Variants in FAT3 observed in about 807,000 individuals in gnomAD.
The protein encoded by FAT3 is protocadherin Fat 3.
In FAT3, 95 loss-of-function variants were observed where a neutral mutation model predicts 310.2. The observed-to-expected ratio is 0.31, with a 90% CI of 0.26 to 0.36. FAT3 has a LOEUF of 0.36. FAT3 is among the 10% of genes least tolerant of loss of function. The pLI, the probability that FAT3 is intolerant of heterozygous loss-of-function variation, is 1.00. For synonymous variants in FAT3, 2,314 were observed against 2,192.9 expected (o/e 1.06, Z -1.54); for missense variants, 5,408 against 5,715.6 (o/e 0.95, Z 1.74).
At chr11:92,440,249 A>C (rs902109245) in intron 2 of FAT3, among the ~76,000 whole-genome samples, 4 of 152,152 alleles carry the variant, frequency 2.6e-5, no homozygotes, top group Non-Finnish European at 5.9e-5. Context: ...AAGCATTAGT[A>C]GGGGAGTAAA....
At chr11:92,877,856 A>G (rs1360744641) in intron 22 of FAT3, among the ~76,000 whole-genome samples, 1 of 152,214 alleles carries the variant, frequency 6.6e-6, no homozygotes, top group East Asian at 1.9e-4. Flanking sequence ...GTTACATCTC[A>G]ATAAACTCAT....
At chr11:92,717,331 A>T (rs570234670) in intron 4 of FAT3, among the ~76,000 whole-genome samples, 2 of 152,194 alleles carry the variant, frequency 1.3e-5, no homozygotes. Context: ...TTGCTTTCCA[A>T]TGGGGGTCCT....
chr11:92,552,593 A>G (rs1954857715), intron 3 of FAT3, among the ~76,000 whole-genome samples: 1 of 152,204 alleles, frequency 6.6e-6, no homozygotes, highest in African/African-American at 2.4e-5. Flanking sequence ...AAAATGAGTT[A>G]TGATTTTTAG....
rs139324577 is a variant in FAT3 at position 92,454,004 on chromosome 11, G to A, written c.3293-70630G>A. Among the ~76,000 whole-genome samples, 1,059 of 151,528 alleles carry A rather than the reference G, an allele frequency of 7.0e-3. 20 individuals are homozygous for A. The highest frequency in any genetic ancestry group is 0.025 in the African/African-American group (1,016 of 41,148). ...CACATATGTAGTTTTATATTTTCCA[G>A]TAAAAAAGACAAAAAAGGTAAAAAT... On this transcript the variant is annotated intron_variant, in intron 2 of 27. Coordinates refer to ENST00000525166, the MANE Select transcript of FAT3 (RefSeq NM_001367949.2).
At chr11:92,858,873 T>C (rs77140280) in intron 20 of FAT3, among the ~76,000 whole-genome samples, 5 of 152,184 alleles carry the variant, frequency 3.3e-5, no homozygotes, top group African/African-American at 1.2e-4. Context: ...GTTGGAAATT[T>C]AGTAACATTA....
In FAT3 at chr11:92,843,927, G is replaced by A; in HGVS notation, c.10567-7G>A. 6.3e-7 allele frequency: 1 copy of A among 1,585,432 alleles called. No individual in the cohort carries two copies. The highest frequency in any genetic ancestry group is 8.6e-7 in the Non-Finnish European group (1 of 1,165,238). On this transcript the variant is annotated splice_region_variant and splice_polypyrimidine_tract_variant and intron_variant, in intron 18 of 27. Transcript: ENST00000525166. ...TTTGTTGCCTTTTCACCTCTTGGTT[G>A]TTTTAGGCAAAGGATTCAGGCAAAC...
intron 2 of FAT3, among the ~76,000 whole-genome samples, chr11:92,362,555 T>G (rs889549371): frequency 6.6e-6 from 1 of 152,248 alleles, no homozygotes; most frequent in Non-Finnish European, 1.5e-5. Context: ...TACTGTGGGC[T>G]GGATGCATCC....
chr11:92,762,933 G>A (rs545999898), intron 5 of FAT3, among the ~76,000 whole-genome samples: 100 of 152,144 alleles, frequency 6.6e-4, no homozygotes, highest in African/African-American at 2.3e-3. Flanking sequence ...CGAGGCAGGC[G>A]GATCACTTGA....
intron 2 of FAT3, among the ~76,000 whole-genome samples, chr11:92,499,725 G>GTGTGTGTGTGTA (rs771063277): frequency 0.046 from 4,414 of 95,062 alleles, 205 homozygotes; most frequent in African/African-American, 0.16. Context: ...GTGTGTGTAT[G>GTGTGTGTGTGTA]TGTGTGTGTG....
chr11:92,388,191 GT>G (rs929716499), intron 2 of FAT3, among the ~76,000 whole-genome samples: 1 of 151,514 alleles, frequency 6.6e-6, no homozygotes, highest in African/African-American at 2.4e-5. Flanking sequence ...TATTTATATA[GT>G]TTTTTTTTAG....
At chr11:92,557,710 C>T (rs12287186) in intron 3 of FAT3, among the ~76,000 whole-genome samples, 44,772 of 152,104 alleles carry the variant, frequency 0.29, 7,565 homozygotes, top group Non-Finnish European at 0.39. Flanking sequence ...AATTCCTGAG[C>T]ATTAGTGGAG....
At chr11:92,840,035 T>C (rs946413634) in intron 17 of FAT3, among the ~76,000 whole-genome samples, 1 of 152,186 alleles carries the variant, frequency 6.6e-6, no homozygotes, top group Non-Finnish European at 1.5e-5. Context: ...TTAGGTAAGG[T>C]ATAAAGCCCC....
At chr11:92,650,552 C>T (rs944801027) in intron 3 of FAT3, among the ~76,000 whole-genome samples, 1 of 152,138 alleles carries the variant, frequency 6.6e-6, no homozygotes, top group Middle Eastern at 3.2e-3. Flanking sequence ...TAAGAATTGG[C>T]TCTTTAACAA....
intron 13 of FAT3, among the ~76,000 whole-genome samples, chr11:92,824,092 C>T (rs1175120946): frequency 6.6e-6 from 1 of 152,128 alleles, no homozygotes; most frequent in Non-Finnish European, 1.5e-5. Context: ...TGTGGTGGCT[C>T]ACCCCTGTAA....
intron 1 of FAT3, among the ~76,000 whole-genome samples, chr11:92,263,138 A>C (rs922883257): frequency 6.6e-6 from 1 of 151,962 alleles, no homozygotes; most frequent in African/African-American, 2.4e-5. Context: ...TCAGTGCTGG[A>C]GAGTTGACCA....
chr11:92,335,538 T>TA (rs1181307205), intron 1 of FAT3, among the ~76,000 whole-genome samples: 68 of 152,270 alleles, frequency 4.5e-4, no homozygotes, highest in African/African-American at 1.6e-3. Flanking sequence ...GCACCTTATA[T>TA]AAAAAACCTT....
At chr11:92,560,619 A>G (rs1037734416) in intron 3 of FAT3, among the ~76,000 whole-genome samples, 9 of 152,230 alleles carry the variant, frequency 5.9e-5, no homozygotes, top group Non-Finnish European at 1.0e-4. Flanking sequence ...TTGGAATTTG[A>G]TCACATGGCT....
intron 3 of FAT3, among the ~76,000 whole-genome samples, chr11:92,580,281 C>A (rs1938717970): frequency 6.6e-6 from 1 of 152,010 alleles, no homozygotes; most frequent in Admixed American, 6.6e-5. Flanking sequence ...ATATCCTGGA[C>A]CCAATGTGAT....
intron 3 of FAT3, among the ~76,000 whole-genome samples, chr11:92,596,801 G>T (rs1939732293): frequency 6.6e-6 from 1 of 152,172 alleles, no homozygotes; most frequent in Non-Finnish European, 1.5e-5. Flanking sequence ...GAATTCTGGT[G>T]AGCTTAAATG....
Sources: allele counts gnomAD v4.1 joint callset (sites outside exome capture counted in the v4.1 genomes callset), GRCh38; gene constraint gnomAD v4.1.1; transcripts MANE v1.5; gene names NCBI Gene and HGNC (gene_info 2026-07-23, HGNC 2026-07-21).